The following NOD2 variants were observed in gnomAD, a reference collection of about 807,000 sequenced individuals.
The protein encoded by NOD2 is nucleotide-binding oligomerization domain-containing protein 2.
Under a neutral mutation model 90.9 loss-of-function variants are expected in NOD2, and 86 were observed. The ratio of observed to expected loss-of-function variants is 0.95; its 90% CI spans 0.79 to 1.13. NOD2 has a LOEUF of 1.13. Among genes scored for constraint, NOD2 ranks in the 50% most tolerant of loss-of-function variants. NOD2 has a pLI of 0.00. For missense variants in NOD2, 1,238 were observed against 1,283.8 expected (o/e 0.96, Z 0.55); for synonymous variants, 581 against 554.6 (o/e 1.05, Z -0.67).
rs1404416626 is a variant in NOD2, at chr16:50,699,654, T to C, written c.159T>C (p.Pro53=). ...AGGGCTTCCACCTCCTGGGCCAGCC[T>C]CTCTCCCACTTGGCCAGGCGCCTTC... ...DYEGFHLLGQ[P]LSHLARRLLD... Residue 53 remains proline, a synonymous_variant, in exon 2 of 12, where the codon CCT becomes CCC. Coordinates refer to ENST00000647318, the MANE Select transcript of NOD2 (RefSeq NM_001370466.1). The C allele has an allele frequency of 1.9e-6, 3 of 1,614,124 alleles. No individual in the cohort carries two copies. Among genetic ancestry groups the C allele is most frequent in the Admixed American group, 1.7e-5 (1 of 60,008 alleles).
Position 50,711,636 on chromosome 16 carries a change from C to G in NOD2, c.1644C>G (p.Val548=). Residue 548 remains valine, a synonymous_variant, in exon 4 of 12, where the codon GTC becomes GTG. Coordinates refer to ENST00000647318, the MANE Select transcript of NOD2 (RefSeq NM_001370466.1). ...CCCAGCAGCTCCAGGCAGCACAGGT[C>G]AGCCCTGATGACATTTCTCTTGGCT... ...FSAQQLQAAQ[V]SPDDISLGFL... 4 of 1,612,634 alleles carry G rather than the reference C, an allele frequency of 2.5e-6. No homozygotes were observed. The highest frequency in any genetic ancestry group is 3.4e-6 in the Non-Finnish European group (4 of 1,179,986).
chr16:50,699,569 G>T lies in NOD2; in HGVS notation c.74G>T (p.Gly25Val), dbSNP rs950712918. ...VELLVSGSLE[G>V]FESVLDWLLS... ...CTGCTGGTCTCAGGGTCCCTGGAAG[G>T]CTTCGAGAGTGTCCTGGACTGGCTG... is the stretch of plus-strand genomic sequence containing the variant. The change falls in exon 2 of 12, where the codon GGC becomes GTC. Residue 25 changes from glycine to valine, a missense_variant. Coordinates refer to ENST00000647318, the MANE Select transcript of NOD2 (RefSeq NM_001370466.1). The T allele has an allele frequency of 4.3e-6, 7 of 1,613,968 alleles. No homozygotes were observed. The highest frequency in any genetic ancestry group is 1.7e-5 in the Admixed American group (1 of 59,998).
rs1423229939 is a variant in NOD2 at position 50,707,965 on chromosome 16, G to GT, written c.565+6dup. The GT allele has an allele frequency of 6.3e-7, 1 of 1,590,568 alleles. No individual in the cohort carries two copies. The highest frequency in any genetic ancestry group is 8.6e-7 in the Non-Finnish European group (1 of 1,158,594). On this transcript the variant is annotated splice_donor_region_variant and intron_variant, in intron 3 of 11. Transcript: ENST00000647318. The stretch of plus-strand genomic sequence containing the variant: ...CATTGGCCCTGCCTTTGGAAGGTAG[G>GT]TGTATGTTCTCAGTTAATCAGAAAG...
At position 50,723,347 on chromosome 16, in the gene NOD2, C is replaced by T. The variant is rs1177338635; in HGVS notation, c.2764C>T (p.Leu922=). 2 of 1,613,824 alleles carry T rather than the reference C, an allele frequency of 1.2e-6. No homozygotes were observed. Among genetic ancestry groups the T allele is most frequent in the African/African-American group, 2.7e-5 (2 of 74,876 alleles). ...IGSVGAQALA[L]MLAKNVMLEE... ...CAGTGTGGGTGCCCAAGCCTTGGCA[C>T]TGATGCTGGCAAAGAACGTCATGCT... Residue 922 remains leucine, a synonymous_variant, in exon 9 of 12, where the codon CTG becomes TTG. Transcript: ENST00000647318.
chr16:50,726,867 G>T (rs1287132596), intron 10 of NOD2, among the ~76,000 whole-genome samples: 1 of 152,210 alleles, frequency 6.6e-6, no homozygotes, highest in African/African-American at 2.4e-5. Context: ...CTTGCTGGGT[G>T]CAGTGGCTCA....
At chr16:50,704,705 A>T (rs1234900511) in intron 2 of NOD2, among the ~76,000 whole-genome samples, 2 of 152,074 alleles carry the variant, frequency 1.3e-5, no homozygotes, top group East Asian at 3.9e-4. Flanking sequence ...TTTAGTAGAG[A>T]TGGGGTTTTG....
rs541489589 is a variant in NOD2 at position 50,694,100 on chromosome 16, C to T, written c.-9+438C>T. 3.9e-5 allele frequency among the ~76,000 whole-genome samples: 6 copies of T among 152,232 alleles called. No homozygotes were observed. The East Asian group carries it at 7.7e-4, about 20-fold the overall frequency. Reference sequence around the variant, plus strand: ...CACACCAGGACCTGCGAGGCCACATCCCCCAGCTGTTTGCTCTCCTATGCT... The same window carrying T: ...CACACCAGGACCTGCGAGGCCACATTCCCCAGCTGTTTGCTCTCCTATGCT... On this transcript the variant is annotated intron_variant, in intron 1 of 11. Coordinates refer to ENST00000647318, the MANE Select transcript of NOD2 (RefSeq NM_001370466.1).
chr16:50,714,790 C>T (rs528349968), intron 4 of NOD2, among the ~76,000 whole-genome samples: 2 of 152,224 alleles, frequency 1.3e-5, no homozygotes, highest in South Asian at 2.1e-4. Context: ...ACCCTATATA[C>T]ACAGTGCCCC....
intron 2 of NOD2, among the ~76,000 whole-genome samples, chr16:50,703,404 C>A (rs1175085582): frequency 6.6e-6 from 1 of 152,170 alleles, no homozygotes; most frequent in East Asian, 1.9e-4. Flanking sequence ...CTTTGGGAGG[C>A]TGAGGCAGGT....
chr16:50,728,707 G>C (rs1965350953), intron 10 of NOD2, among the ~76,000 whole-genome samples: 3 of 152,178 alleles, frequency 2.0e-5, no homozygotes, highest in Admixed American at 2.0e-4. Context: ...TTGTGGGAAA[G>C]GGGGAGGACC....
rs71715899 is a variant in NOD2 at position 50,704,532 on chromosome 16, C to CTT, written c.460-3311_460-3310dup. Among the ~76,000 whole-genome samples, 246 of 145,566 alleles carry CTT rather than the reference C, an allele frequency of 1.7e-3. 1 individual carries two copies. Among genetic ancestry groups the CTT allele is most frequent in the African/African-American group, 2.9e-3 (113 of 39,408 alleles). ...ATATTGCTTCTAAGAATTCCAAAAC[C>CTT]TTTTTTTTTTTTTCTTTTTGAGACA... On this transcript the variant is annotated intron_variant, in intron 2 of 11. Coordinates refer to ENST00000647318, the MANE Select transcript of NOD2 (RefSeq NM_001370466.1).
chr16:50,702,423 G>A (rs368677255), intron 2 of NOD2, among the ~76,000 whole-genome samples: 2 of 152,194 alleles, frequency 1.3e-5, no homozygotes, highest in African/African-American at 4.8e-5. Flanking sequence ...AGCTCTCTCT[G>A]AGCTCCCTTT....
chr16:50,717,979 C>T (rs572797182), intron 6 of NOD2, among the ~76,000 whole-genome samples: 1 of 152,320 alleles, frequency 6.6e-6, no homozygotes, highest in South Asian at 2.1e-4. Context: ...TACACACCTG[C>T]AATAAAGTGT....
At chr16:50,695,082 G>A (rs935897118) in intron 1 of NOD2, among the ~76,000 whole-genome samples, 5 of 149,126 alleles carry the variant, frequency 3.4e-5, no homozygotes, top group East Asian at 2.0e-4. Flanking sequence ...GGGAGCACGG[G>A]TTTGGAACAG....
At chr16:50,710,517 C>A in intron 3 of NOD2, 41 bp from the exon 4 acceptor site, 1 of 1,613,686 alleles carries the variant, frequency 6.2e-7, no homozygotes, top group Non-Finnish European at 8.5e-7. Context: ...CCCGTCTTCA[C>A]CATGGTGCCA....
In NOD2 at chr16:50,731,990, G is replaced by T; in HGVS notation, c.*171G>T. 1 of 670,250 alleles carries T rather than the reference G, an allele frequency of 1.5e-6. No homozygotes were observed. The allele number at this position is 670,250 out of a possible 1,614,324, so 41.5% of individuals were successfully genotyped here. On this transcript the variant is annotated 3_prime_UTR_variant, in exon 12 of 12. Transcript: ENST00000647318. ...GTCACCTTTATTCTGGCAGAGGAGG[G>T]AGCATCAGTGCCCTCCAGGATAGAC...
At chr16:50,713,141 A>C (rs1484854793) in intron 4 of NOD2, 2 of 152,768 alleles carry the variant, frequency 1.3e-5, no homozygotes, top group Non-Finnish European at 2.9e-5. Flanking sequence ...AGGCCTGCGG[A>C]TCAGCATGCG....
At chr16:50,698,851 A>G (rs1963786322) in intron 1 of NOD2, among the ~76,000 whole-genome samples, 1 of 152,046 alleles carries the variant, frequency 6.6e-6, no homozygotes, top group Non-Finnish European at 1.5e-5. Context: ...TCCAGCCAGC[A>G]TGAAAGAGCC....
At position 50,699,725 on chromosome 16, in the gene NOD2, T is replaced by C. The variant is rs912789864; in HGVS notation, c.230T>C (p.Ile77Thr). Residue 77 changes from isoleucine to threonine, a missense_variant, in exon 2 of 12, where the codon ATC (isoleucine) becomes ACC (threonine). Ile to Thr is a moderately conservative substitution (Grantham distance 89). Coordinates refer to ENST00000647318, the MANE Select transcript of NOD2 (RefSeq NM_001370466.1). ...GGTACTTGGGCCTGTCAGAAGCTCA[T>C]CGCGGCTGCCCAAGAAGCCCAGGCC... ...NKGTWACQKLIAAAQEAQADS... is the reference protein window; with the variant it reads ...NKGTWACQKLTAAAQEAQADS... 7 of 1,613,982 alleles carry C rather than the reference T, an allele frequency of 4.3e-6. No homozygotes were observed. The African/African-American group carries it at 6.7e-5, about 15-fold the overall frequency.
Sources: allele counts gnomAD v4.1 joint callset (sites outside exome capture counted in the v4.1 genomes callset), GRCh38; gene constraint gnomAD v4.1.1; transcripts MANE v1.5; gene names NCBI Gene and HGNC (gene_info 2026-07-23, HGNC 2026-07-21).